The following NPY2R variants were observed in gnomAD, a reference collection of about 807,000 sequenced individuals.
NPY2R encodes neuropeptide Y receptor type 2.
Under a neutral mutation model 22.3 loss-of-function variants are expected in NPY2R, and 17 were observed. The observed-to-expected ratio is 0.76, with a 90% CI of 0.52 to 1.14. The LOEUF (loss-of-function observed/expected upper bound fraction) is 1.14. Among genes scored for constraint, NPY2R ranks in the 50% most tolerant of loss-of-function variants. The pLI is 0.00. For synonymous variants in NPY2R, 209 were observed against 183.4 expected, an observed-to-expected ratio of 1.14 and a Z score of -1.13; for missense variants, 424 against 467.9, an observed-to-expected ratio of 0.91 and a Z score of 0.87.
chr4:155,184,928 AATAC>A, the NPY2R span, among the ~76,000 whole-genome samples: 1 of 149,102 alleles, frequency 6.7e-6, no homozygotes, highest in Non-Finnish European at 1.5e-5. Flanking sequence ...TTTATTTTTA[AATAC>A]ATAGTCTGCT....
the NPY2R span, among the ~76,000 whole-genome samples, chr4:155,175,821 G>T: frequency 6.6e-6 from 1 of 151,172 alleles, no homozygotes; most frequent in Non-Finnish European, 1.5e-5. Context: ...AATAAATAAA[G>T]AAAGAAGGAA....
At chr4:155,205,650 C>T (rs143194144), upstream of NPY2R, among the ~76,000 whole-genome samples, 3 of 152,226 alleles carry the variant, frequency 2.0e-5, no homozygotes, top group Non-Finnish European at 4.4e-5. Flanking sequence ...TAATCTTTGG[C>T]TGTATTCCTT....
Position 155,214,771 on chromosome 4 carries a change from G to T in NPY2R, c.832G>T (p.Ala278Ser), listed in dbSNP as rs750562834. 1 of 1,614,040 alleles carries T rather than the reference G, an allele frequency of 6.2e-7. No homozygotes were observed. Among genetic ancestry groups the T allele is most frequent in the South Asian group, 1.1e-5 (1 of 91,078 alleles). Residue 278 changes from alanine (A) to serine (S), a missense_variant, in exon 2 of 2, where the codon GCG becomes TCG. Ala to Ser is a moderately conservative substitution (Grantham distance 99). Transcript: ENST00000329476. Reference sequence around the variant, plus strand: ...GCTGGTGTGTGTGGTGGTGGTGTTTGCGGTCAGCTGGCTGCCTCTCCATGC... The same window carrying T: ...GCTGGTGTGTGTGGTGGTGGTGTTTTCGGTCAGCTGGCTGCCTCTCCATGC... The part of the protein sequence containing the change: ...KMLVCVVVVF[A>S]VSWLPLHAFQ...
In NPY2R at chr4:155,214,615, A is replaced by G. The variant is rs1729474560; in HGVS notation, c.676A>G (p.Ile226Val). 1 of 1,614,046 alleles carries G rather than the reference A, an allele frequency of 6.2e-7. No homozygotes were observed. The highest frequency in any genetic ancestry group is 1.3e-5 in the African/African-American group (1 of 74,988). ...TGTCTATAGTCTTTCTTCCTTGTTG[A>G]TCTTGTATGTTTTGCCTCTGGGCAT... ...GTVYSLSSLL[I>V]LYVLPLGIIS... is the part of the protein sequence containing the mutation. Residue 226 changes from isoleucine to valine, a missense_variant, in exon 2 of 2, where the codon ATC (isoleucine) becomes GTC (valine). Ile to Val is a conservative substitution (Grantham distance 29). Coordinates refer to ENST00000329476, the MANE Select transcript of NPY2R (RefSeq NM_000910.4).
At chr4:155,197,135 T>C in the NPY2R span, among the ~76,000 whole-genome samples, 1 of 152,008 alleles carries the variant, frequency 6.6e-6, no homozygotes, top group Non-Finnish European at 1.5e-5. Context: ...ATATTTACTC[T>C]GAGTTTTTTT....
chr4:155,179,156 A>T, the NPY2R span, among the ~76,000 whole-genome samples: 1 of 152,138 alleles, frequency 6.6e-6, no homozygotes. Context: ...GTTTCCAATG[A>T]CAACCCTGAG....
At chr4:155,188,869 C>T in the NPY2R span, among the ~76,000 whole-genome samples, 4 of 152,064 alleles carry the variant, frequency 2.6e-5, no homozygotes, top group African/African-American at 4.8e-5. Flanking sequence ...GTGGATAAAC[C>T]ATGTCCTAAT....
chr4:155,213,888 T>C lies in NPY2R; in HGVS notation c.-48-4T>C. On this transcript the variant is annotated splice_polypyrimidine_tract_variant and splice_region_variant and intron_variant, in intron 1 of 1. Coordinates refer to ENST00000329476, the MANE Select transcript of NPY2R (RefSeq NM_000910.4). Reference sequence around the variant, plus strand: ...TTTTGTTTTATTTTGTTTTTTCTTTTTAGGTTGTAGACTCTTGTGCTGGTT... The same window carrying C: ...TTTTGTTTTATTTTGTTTTTTCTTTCTAGGTTGTAGACTCTTGTGCTGGTT... The C allele has an allele frequency of 6.9e-7, 1 of 1,443,038 alleles. No homozygotes were observed. The highest frequency in any genetic ancestry group is 9.8e-7 in the Non-Finnish European group (1 of 1,025,078). The allele number at this position is 1,443,038 out of a possible 1,614,324, so 89.4% of individuals were successfully genotyped here.
intron 1 of NPY2R, among the ~76,000 whole-genome samples, chr4:155,210,216 T>C (rs1015123973): frequency 6.7e-6 from 1 of 150,004 alleles, no homozygotes; most frequent in Non-Finnish European, 1.5e-5. Context: ...CATGAAATGA[T>C]GCATTTTCTG....
At chr4:155,188,374 G>A in the NPY2R span, among the ~76,000 whole-genome samples, 1 of 152,010 alleles carries the variant, frequency 6.6e-6, no homozygotes, top group Non-Finnish European at 1.5e-5. Context: ...CTCTGATTCA[G>A]TGTTTTCAAA....
chr4:155,198,457 T>A, the NPY2R span, among the ~76,000 whole-genome samples: 2 of 141,764 alleles, frequency 1.4e-5, no homozygotes, highest in Admixed American at 7.2e-5. Context: ...TATAAAACAT[T>A]TAAAATTAAG....
chr4:155,175,954 T>C, the NPY2R span, among the ~76,000 whole-genome samples: 1 of 152,142 alleles, frequency 6.6e-6, no homozygotes, highest in South Asian at 2.1e-4. Flanking sequence ...CTGATATTTA[T>C]GGGATTTTTT....
the NPY2R span, among the ~76,000 whole-genome samples, chr4:155,195,683 T>C: frequency 6.6e-6 from 1 of 151,990 alleles, no homozygotes; most frequent in South Asian, 2.1e-4. Context: ...ATTTTCTGTA[T>C]GCATTCCCTG....
At chr4:155,174,980 T>A in the NPY2R span, among the ~76,000 whole-genome samples, 1 of 152,020 alleles carries the variant, frequency 6.6e-6, no homozygotes, top group African/African-American at 2.4e-5. Context: ...GGAGAGAAAA[T>A]TTTAAAATCT....
rs564687921 is a variant in NPY2R at position 155,214,288 on chromosome 4, A to G, written c.349A>G (p.Lys117Glu). ...TLTYTLMGEWKMGPVLCHLVP... is the reference protein window; with the variant it reads ...TLTYTLMGEWEMGPVLCHLVP... ...TACCTATACCTTAATGGGGGAGTGG[A>G]AAATGGGTCCTGTCCTGTGCCACCT... The change falls in exon 2 of 2, where the codon AAA becomes GAA. Residue 117 changes from lysine to glutamate, a missense_variant. Lys to Glu is a moderately conservative substitution (Grantham distance 56). Coordinates refer to ENST00000329476, the MANE Select transcript of NPY2R (RefSeq NM_000910.4). 1.9e-6 allele frequency: 3 copies of G among 1,614,104 alleles called. No individual in the cohort carries two copies. The highest frequency in any genetic ancestry group is 2.7e-5 in the African/African-American group (2 of 75,032).
chr4:155,187,722 T>C, the NPY2R span, among the ~76,000 whole-genome samples: 1 of 152,164 alleles, frequency 6.6e-6, no homozygotes, highest in Non-Finnish European at 1.5e-5. Context: ...AAATATTTTC[T>C]TCATCTTATT....
the NPY2R span, among the ~76,000 whole-genome samples, chr4:155,203,089 C>A: frequency 1.9e-4 from 29 of 152,046 alleles, no homozygotes; most frequent in African/African-American, 6.8e-4. Flanking sequence ...AAGTAAAAAT[C>A]TCAGCAACAT....
the NPY2R span, among the ~76,000 whole-genome samples, chr4:155,174,462 T>TTATA: frequency 1.5e-3 from 170 of 116,614 alleles, 2 homozygotes; most frequent in Non-Finnish European, 1.4e-3. Context: ...TGGCTAAGCT[T>TTATA]TATATATATA....
At chr4:155,209,552 T>C (rs1446921510) in intron 1 of NPY2R, among the ~76,000 whole-genome samples, 1 of 152,210 alleles carries the variant, frequency 6.6e-6, no homozygotes, top group Non-Finnish European at 1.5e-5. Flanking sequence ...TCATTTAAAA[T>C]TCAGTGACAT....
Sources: gnomAD v4.1 joint callset for allele counts (sites outside exome capture counted in the v4.1 genomes callset) on GRCh38, gnomAD v4.1.1 for gene constraint, MANE v1.5 for transcripts, NCBI Gene and HGNC (gene_info 2026-07-23, HGNC 2026-07-21) for gene names.